TGM4: variants seen among roughly 807,000 people sequenced by gnomAD.
The protein encoded by TGM4 is transglutaminase 4, also known as protein-glutamine gamma-glutamyltransferase 4.
Under a neutral mutation model 76.3 loss-of-function variants are expected in TGM4, and 61 were observed. That is an observed-to-expected ratio of 0.80 (90% CI 0.65 to 0.99). The LOEUF (loss-of-function observed/expected upper bound fraction) is 0.99, where lower values mean the gene tolerates loss of function less well. TGM4 is among the 50% of genes least tolerant of loss of function. The probability of loss-of-function intolerance (pLI) is 0.00; values close to 1 mark genes in which losing one functional copy is unlikely to be tolerated. For missense variants in TGM4, 794 were observed against 843.2 expected (o/e 0.94, Z 0.72); for synonymous variants, 337 against 329.8 (o/e 1.02, Z -0.24).
At chr3:44,905,291 CT>C (rs5848717) in intron 9 of TGM4, among the ~76,000 whole-genome samples, 66 of 148,498 alleles carry the variant, frequency 4.4e-4, no homozygotes, top group Non-Finnish European at 5.5e-4. Context: ...CAGCCTCAAA[CT>C]TTTTTTTTTT....
chr3:44,886,270 G>T (rs1699606197), intron 2 of TGM4, among the ~76,000 whole-genome samples: 10 of 152,196 alleles, frequency 6.6e-5, no homozygotes, highest in Admixed American at 6.5e-4. Flanking sequence ...GAACCTGGGA[G>T]GTGGAGGTTG....
intron 11 of TGM4, 62 bp downstream of exon 11, chr3:44,910,430 C>T (rs1337059708): frequency 6.4e-7 from 1 of 1,554,602 alleles, no homozygotes; most frequent in Non-Finnish European, 8.7e-7. Flanking sequence ...TCTGAAATCC[C>T]TCTTCTCCTC....
At position 44,910,187 on chromosome 3, in the gene TGM4, G is replaced by A. The variant is rs1166767391; in HGVS notation, c.1425G>A (p.Met475Ile). 1.9e-6 allele frequency: 3 copies of A among 1,614,192 alleles called. No individual in the cohort carries two copies. Among genetic ancestry groups the A allele is most frequent in the Non-Finnish European group, 1.7e-6 (2 of 1,180,032 alleles). The change falls in exon 11 of 14, where the codon ATG (methionine) becomes ATA (isoleucine). Residue 475 changes from methionine (M) to isoleucine (I), a missense_variant. Transcript: ENST00000296125. ...CTGTAAAAGAGAACTTTCTTCACAT[G>A]TCGGTACAATCAGATGATGTGCTGC... Reference protein sequence around the residue: ...RRPVKENFLHMSVQSDDVLLG... With the variant: ...RRPVKENFLHISVQSDDVLLG...
chr3:44,877,853 G>T (rs947638698), intron 1 of TGM4, among the ~76,000 whole-genome samples: 3 of 152,166 alleles, frequency 2.0e-5, no homozygotes, highest in Non-Finnish European at 2.9e-5. Context: ...TGAGTGCAAA[G>T]ATACATGTAC....
At chr3:44,874,723 C>T (rs761619824) in intron 1 of TGM4, 26 bp downstream of exon 1, 1 of 1,614,042 alleles carries the variant, frequency 6.2e-7, no homozygotes, top group Non-Finnish European at 8.5e-7. Context: ...CTCCATGGAG[C>T]CCCACATGCC....
intron 5 of TGM4, among the ~76,000 whole-genome samples, chr3:44,895,882 G>T (rs1381956249): frequency 6.6e-6 from 1 of 152,096 alleles, no homozygotes; most frequent in Non-Finnish European, 1.5e-5. Flanking sequence ...TGATAAAGTG[G>T]CTTACAGTAA....
intron 10 of TGM4, among the ~76,000 whole-genome samples, chr3:44,907,523 T>A (rs1398686997): frequency 6.6e-6 from 1 of 152,032 alleles, no homozygotes; most frequent in East Asian, 1.9e-4. Context: ...GCCTTTGCAT[T>A]GTTTGACCAG....
chr3:44,890,345 G>T, intron 3 of TGM4: 2 of 381,282 alleles, frequency 5.2e-6, no homozygotes, highest in Non-Finnish European at 9.6e-6. Context: ...ATCTCAGGGA[G>T]GTGAAAATGC....
chr3:44,901,437 C>A (rs1174325950), intron 6 of TGM4, 87 bp from the exon 7 acceptor site: 2 of 1,461,044 alleles, frequency 1.4e-6, no homozygotes, highest in Admixed American at 2.2e-5. Flanking sequence ...GAGGTGTCCA[C>A]TTTGGGGGCT....
chr3:44,911,288 AT>A lies in TGM4; in HGVS notation c.1797del (p.Ile599MetfsTer19). ...FSIELPNTGR[I>X]GQLLVCNCIF... ...ACTACAGTTGCCTAACACAGGCAGA[AT>A]TGGCCAGCTACTTGTCTGCAATTGT... On this transcript the variant is annotated frameshift_variant, in exon 13 of 14. Coordinates refer to ENST00000296125, the MANE Select transcript of TGM4 (RefSeq NM_003241.4). LOFTEE classifies it high-confidence loss of function. The A allele has an allele frequency of 6.2e-7, 1 of 1,614,228 alleles. No homozygotes were observed. Among genetic ancestry groups the A allele is most frequent in the South Asian group, 1.1e-5 (1 of 91,084 alleles).
chr3:44,878,444 T>TTTA (rs1302116239), intron 1 of TGM4, among the ~76,000 whole-genome samples: 905 of 32,298 alleles, frequency 0.028, 5 homozygotes, highest in African/African-American at 0.05. Context: ...ATTTATTACT[T>TTTA]TTGTTTTATT....
At chr3:44,897,868 G>T (rs528210745) in intron 6 of TGM4, among the ~76,000 whole-genome samples, 148 of 152,176 alleles carry the variant, frequency 9.7e-4, no homozygotes, top group African/African-American at 3.5e-3. Context: ...TTCCATTTTT[G>T]CAAATCTCTT....
intron 8 of TGM4, among the ~76,000 whole-genome samples, chr3:44,902,620 AAAAC>A (rs1369663122): frequency 4.7e-5 from 7 of 150,148 alleles, no homozygotes; most frequent in Non-Finnish European, 8.9e-5. Flanking sequence ...ACAAAAACAA[AAAAC>A]AAACAAAAAA....
At position 44,885,537 on chromosome 3, in the gene TGM4, G is replaced by A. The variant is rs368986340; in HGVS notation, c.193+39G>A. On this transcript the variant is annotated intron_variant, in intron 2 of 13. Coordinates refer to ENST00000296125, the MANE Select transcript of TGM4 (RefSeq NM_003241.4). ...GCCCTACTCATGGGGCTTTGGGGAG[G>A]GATCACAAGTGTCTGTGGATGCTGG... The A allele has an allele frequency of 1.3e-5, 21 of 1,584,658 alleles. No homozygotes were observed. In the African/African-American group the frequency reaches 2.4e-4, roughly 18 times the overall value.
intron 1 of TGM4, among the ~76,000 whole-genome samples, chr3:44,876,246 G>A (rs2125745012): frequency 6.6e-6 from 1 of 152,364 alleles, no homozygotes; most frequent in South Asian, 2.1e-4. Context: ...AATCACCAAA[G>A]ACAGTCATCT....
chr3:44,908,375 TTTTTTTTTGTTTTTG>T (rs1699954397), intron 10 of TGM4, among the ~76,000 whole-genome samples: 1 of 135,760 alleles, frequency 7.4e-6, no homozygotes, highest in Admixed American at 7.0e-5. Context: ...GTCAGGAGTG[TTTTTTTTTGTTTTTG>T]TTTTTTTTGT....
chr3:44,906,862 G>C, intron 9 of TGM4, 87 bp from the exon 10 acceptor site: 1 of 1,565,298 alleles, frequency 6.4e-7, no homozygotes, highest in East Asian at 2.3e-5. Flanking sequence ...AGTCCTGTTT[G>C]AGTTTGGGAA....
intron 9 of TGM4, 23 bp from the exon 10 acceptor site, chr3:44,906,926 G>T: frequency 6.2e-7 from 1 of 1,608,646 alleles, no homozygotes; most frequent in South Asian, 1.1e-5. Context: ...CACTGAGAGT[G>T]ACCACCCCTG....
intron 9 of TGM4, among the ~76,000 whole-genome samples, chr3:44,905,589 G>A (rs1158932674): frequency 6.6e-6 from 1 of 152,226 alleles, no homozygotes; most frequent in African/African-American, 2.4e-5. Flanking sequence ...ACATGAGCAT[G>A]CAGATCCCCA....
Sources: gnomAD v4.1 joint callset for allele counts (sites outside exome capture counted in the v4.1 genomes callset) on GRCh38, gnomAD v4.1.1 for gene constraint, MANE v1.5 for transcripts, NCBI Gene and HGNC (gene_info 2026-07-23, HGNC 2026-07-21) for gene names.